The following KCNN3 variants were observed in gnomAD, a reference collection of about 807,000 sequenced individuals.
The protein encoded by KCNN3 is small conductance calcium-activated potassium channel protein 3.
Under a neutral mutation model 62.9 loss-of-function variants are expected in KCNN3, and 16 were observed. The observed-to-expected ratio is 0.25, with a 90% CI of 0.17 to 0.39. KCNN3 has a LOEUF of 0.39. KCNN3 is among the 10% of genes least tolerant of loss of function. KCNN3 has a pLI of 1.00. For synonymous variants in KCNN3, 370 were observed against 389.2 expected, an observed-to-expected ratio of 0.95 and a Z score of 0.58; for missense variants, 599 against 949.4, an observed-to-expected ratio of 0.63 and a Z score of 4.85.
chr1:154,776,938 AC>A (rs1027433267), intron 2 of KCNN3, among the ~76,000 whole-genome samples: 8 of 151,484 alleles, frequency 5.3e-5, no homozygotes, highest in South Asian at 2.1e-4. Context: ...CAGGGTTGGG[AC>A]CCCCCAACCA....
At chr1:154,711,449 A>G (rs1700073514) in intron 7 of KCNN3, among the ~76,000 whole-genome samples, 1 of 151,650 alleles carries the variant, frequency 6.6e-6, no homozygotes, top group Non-Finnish European at 1.5e-5. Flanking sequence ...CATATGTAAC[A>G]AACCTGCACA....
rs543491409 is a variant in KCNN3, at chr1:154,718,711, T to C, written c.1702-3708A>G. Among the ~76,000 whole-genome samples the C allele has an allele frequency of 1.9e-3, 290 of 152,278 alleles. 2 individuals carry two copies. Among genetic ancestry groups the C allele is most frequent in the African/African-American group, 6.7e-3 (277 of 41,538 alleles). On this transcript the variant is annotated intron_variant, in intron 5 of 7. Coordinates refer to ENST00000271915, the MANE Select transcript of KCNN3 (RefSeq NM_002249.6). ...ACGGTATGCAGTTTGTATGATAGCA[T>C]CAGGTAACAAGCGCTTAAAAAACCA...
chr1:154,863,311 A>G (rs1299604498), intron 1 of KCNN3, among the ~76,000 whole-genome samples: 7 of 152,198 alleles, frequency 4.6e-5, no homozygotes, highest in African/African-American at 1.7e-4. Flanking sequence ...TTTCCTCCCT[A>G]CAGCTCCTGG....
chr1:154,731,105 A>G (rs1459254718), intron 4 of KCNN3, among the ~76,000 whole-genome samples: 1 of 152,108 alleles, frequency 6.6e-6, no homozygotes, highest in Admixed American at 6.5e-5. Context: ...CCATCCACCT[A>G]CTGGCAACCC....
chr1:154,733,107 C>T lies in KCNN3; in HGVS notation c.1486G>A (p.Gly496Ser), dbSNP rs1162711477. The T allele has an allele frequency of 1.2e-6, 2 of 1,613,984 alleles. No individual in the cohort carries two copies. The highest frequency in any genetic ancestry group is 1.7e-6 in the Non-Finnish European group (2 of 1,180,006). Residue 496 changes from glycine to serine, a missense_variant, in exon 4 of 8, where the codon GGT becomes AGT. This residue lies in a region of KCNN3 where 288 missense variants were observed against 557.4 expected (regional missense o/e 0.52). Transcript: ENST00000271915. ...DQQDVTSNFL[G>S]AMWLISITFL... The stretch of plus-strand genomic sequence containing the variant: ...GTGATGGAGATGAGCCACATGGCAC[C>T]CAGAAAGTTACTAGTTACGTCCTGC...
intron 1 of KCNN3, among the ~76,000 whole-genome samples, chr1:154,848,880 C>T (rs1356575647): frequency 6.6e-6 from 1 of 152,196 alleles, no homozygotes; most frequent in Admixed American, 6.5e-5. Flanking sequence ...TACGGCAGCC[C>T]GAACACCCCC....
At chr1:154,759,388 T>C (rs1453185674) in intron 3 of KCNN3, among the ~76,000 whole-genome samples, 4 of 152,174 alleles carry the variant, frequency 2.6e-5, no homozygotes, top group Non-Finnish European at 4.4e-5. Flanking sequence ...AACCCCAAAG[T>C]TGAAGGATGG....
intron 1 of KCNN3, among the ~76,000 whole-genome samples, chr1:154,859,335 C>T (rs938622610): frequency 6.6e-6 from 1 of 152,260 alleles, no homozygotes; most frequent in African/African-American, 2.4e-5. Flanking sequence ...GATGCCAACT[C>T]AGGCAAAGGG....
intron 2 of KCNN3, among the ~76,000 whole-genome samples, chr1:154,811,854 A>G (rs530241073): frequency 5.9e-5 from 9 of 152,348 alleles, no homozygotes; most frequent in East Asian, 1.9e-4. Flanking sequence ...GTGCCTTCCA[A>G]CTTTACAAAT....
chr1:154,730,864 A>G (rs956313987), intron 4 of KCNN3, among the ~76,000 whole-genome samples: 1 of 152,162 alleles, frequency 6.6e-6, no homozygotes, highest in African/African-American at 2.4e-5. Context: ...GCACACCCAG[A>G]CAGCAAAAGG....
At chr1:154,736,834 T>C (rs1700721575) in intron 3 of KCNN3, among the ~76,000 whole-genome samples, 1 of 152,200 alleles carries the variant, frequency 6.6e-6, no homozygotes, top group Admixed American at 6.5e-5. Context: ...GGTTTCTTTT[T>C]TCATTCACCA....
intron 1 of KCNN3, among the ~76,000 whole-genome samples, chr1:154,851,291 G>A (rs1044182926): frequency 2.6e-5 from 4 of 151,966 alleles, no homozygotes; most frequent in East Asian, 1.9e-4. Flanking sequence ...TTTTTTTAAC[G>A]TTGCCAGCCA....
intron 5 of KCNN3, among the ~76,000 whole-genome samples, chr1:154,723,020 G>A (rs1700390146): frequency 6.6e-6 from 1 of 152,092 alleles, no homozygotes. Flanking sequence ...GTGAGCCACC[G>A]CACCCGGCTG....
intron 2 of KCNN3, among the ~76,000 whole-genome samples, chr1:154,798,861 G>C (rs981313706): frequency 2.6e-5 from 4 of 151,304 alleles, no homozygotes; most frequent in African/African-American, 9.7e-5. Flanking sequence ...TGGGCAGACT[G>C]GTGAGACCAT....
At chr1:154,805,313 T>C (rs1300050758) in intron 2 of KCNN3, among the ~76,000 whole-genome samples, 1 of 152,194 alleles carries the variant, frequency 6.6e-6, no homozygotes, top group East Asian at 1.9e-4. Context: ...TCTGATGCAC[T>C]TTCAAATCAC....
rs1699870571 is a variant in KCNN3 at position 154,702,360 on chromosome 1, C to A, written c.*5616G>T. 6.6e-6 allele frequency: 1 copy of A among 151,638 alleles called. No individual in the cohort carries two copies. The highest frequency in any genetic ancestry group is 6.6e-5 in the Admixed American group (1 of 15,222). The allele number at this position is 151,638 out of a possible 1,614,324, so 9.4% of individuals were successfully genotyped here. ...TATTTAAAATAAACTGTTATGCTTT[C>A]TCCTATCATTAAAAAATAGCAAGCA... is the stretch of plus-strand genomic sequence containing the variant. On this transcript the variant is annotated 3_prime_UTR_variant, in exon 8 of 8. Coordinates refer to ENST00000271915, the MANE Select transcript of KCNN3 (RefSeq NM_002249.6).
intron 1 of KCNN3, among the ~76,000 whole-genome samples, chr1:154,854,066 T>C (rs776973353): frequency 1.3e-5 from 2 of 151,382 alleles, no homozygotes; most frequent in Non-Finnish European, 2.9e-5. Flanking sequence ...AAACCCCGTC[T>C]CTACTAAAAA....
At chr1:154,867,981 A>G (rs1248845964) in intron 1 of KCNN3, 25 of 984,706 alleles carry the variant, frequency 2.5e-5, no homozygotes, top group Non-Finnish European at 2.9e-5. Flanking sequence ...TGGGAGGGAA[A>G]CCCCCTCCTC....
chr1:154,715,169 G>GTAA (rs1700206816), intron 5 of KCNN3, among the ~76,000 whole-genome samples, 166 bp from the exon 6 acceptor site: 1 of 152,148 alleles, frequency 6.6e-6, no homozygotes, highest in Admixed American at 6.5e-5. Flanking sequence ...CGGGCACGGT[G>GTAA]GCTCCCGCCT....
Sources: allele counts gnomAD v4.1 joint callset (sites outside exome capture counted in the v4.1 genomes callset), GRCh38; gene constraint gnomAD v4.1.1; regional missense constraint gnomAD v4.1.1; transcripts MANE v1.5; gene names NCBI Gene and HGNC (gene_info 2026-07-23, HGNC 2026-07-21).